The following RMST variants were observed in gnomAD, a reference collection of about 807,000 sequenced individuals.
RMST encodes long intergenic non-protein coding RNA 54.
chr12:97,477,213 G>A (rs1874656697), intron 5 of RMST, among the ~76,000 whole-genome samples: 1 of 152,160 alleles, frequency 6.6e-6, no homozygotes, highest in Non-Finnish European at 1.5e-5. Context: ...AGTTAGGAAA[G>A]CCAGCAATAT....
chr12:97,463,965 C>T (rs1191625605), intron 4 of RMST, among the ~76,000 whole-genome samples: 1 of 151,796 alleles, frequency 6.6e-6, no homozygotes, highest in Non-Finnish European at 1.5e-5. Context: ...ACTTAATAGA[C>T]ATTGTTATGG....
At chr12:97,482,817 A>ATTATTTATTTATTAAATAAAT (rs1565919331) in intron 5 of RMST, among the ~76,000 whole-genome samples, 6 of 141,974 alleles carry the variant, frequency 4.2e-5, no homozygotes, top group Non-Finnish European at 6.0e-5. Context: ...ATAAATTTAT[A>ATTATTTATTTATTAAATAAAT]TTATTTATTT....
chr12:97,510,475 G>A (rs1219575593), intron 10 of RMST, among the ~76,000 whole-genome samples: 1 of 152,188 alleles, frequency 6.6e-6, no homozygotes, highest in Admixed American at 6.5e-5. Flanking sequence ...ACCATTACGT[G>A]CTCTTATTTA....
At chr12:97,511,949 G>A (rs533993582) in intron 10 of RMST, among the ~76,000 whole-genome samples, 10 of 152,286 alleles carry the variant, frequency 6.6e-5, no homozygotes, top group Admixed American at 2.0e-4. Context: ...TTATGTGTCC[G>A]GAATTGGTGA....
chr12:97,522,128 A>G (rs1366181768), intron 10 of RMST, among the ~76,000 whole-genome samples: 3 of 152,230 alleles, frequency 2.0e-5, no homozygotes, highest in Non-Finnish European at 4.4e-5. Flanking sequence ...GTGATTTATA[A>G]GTCCCTAAAA....
At chr12:97,474,624 CAAAAAAAAAAA>C (rs34888626) in intron 5 of RMST, among the ~76,000 whole-genome samples, 3 of 55,800 alleles carry the variant, frequency 5.4e-5, no homozygotes, top group African/African-American at 7.6e-5. Context: ...AAAAAGAAGC[CAAAAAAAAAAA>C]AAAAAAAAAA....
chr12:97,473,191 A>G (rs1236059344), intron 5 of RMST, among the ~76,000 whole-genome samples: 2 of 152,150 alleles, frequency 1.3e-5, no homozygotes, highest in African/African-American at 2.4e-5. Flanking sequence ...GAATATTCAG[A>G]ATAAAGGCTA....
At chr12:97,476,519 G>A (rs907416934) in intron 5 of RMST, among the ~76,000 whole-genome samples, 1 of 152,220 alleles carries the variant, frequency 6.6e-6, no homozygotes, top group African/African-American at 2.4e-5. Context: ...TCAAAGGCAA[G>A]TCTATGGTTG....
chr12:97,486,308 A>C lies in RMST; in HGVS notation n.645-6153A>C, dbSNP rs1876099549. 2.0e-5 allele frequency among the ~76,000 whole-genome samples: 3 copies of C among 150,758 alleles called. No individual in the cohort carries two copies. The South Asian group carries it at 6.3e-4, about 32-fold the overall frequency. The stretch of plus-strand genomic sequence containing the variant: ...CTTTTTAAAAAAATTCTAATCAGAA[A>C]TCTGTTTTTAAACAAGCTGCCCTAA... On this transcript the variant is annotated intron_variant and non_coding_transcript_variant, in intron 5 of 13. Transcript: ENST00000640149.
intron 5 of RMST, among the ~76,000 whole-genome samples, chr12:97,487,812 G>A (rs903914653): frequency 6.6e-6 from 1 of 152,130 alleles, no homozygotes; most frequent in Admixed American, 6.5e-5. Context: ...CACATCCCCC[G>A]GTTGTCTGTG....
chr12:97,507,267 TGTTTTTGTC>T, intron 10 of RMST, among the ~76,000 whole-genome samples: 1 of 129,156 alleles, frequency 7.7e-6, no homozygotes, highest in East Asian at 2.7e-4. Flanking sequence ...GTTTTTTTTT[TGTTTTTGTC>T]TTTTTTTTTT....
At chr12:97,522,261 C>T (rs1378852825) in intron 10 of RMST, among the ~76,000 whole-genome samples, 4 of 152,190 alleles carry the variant, frequency 2.6e-5, no homozygotes, top group Non-Finnish European at 5.9e-5. Flanking sequence ...TCCTTGTATT[C>T]ATCAATTCTG....
intron 10 of RMST, among the ~76,000 whole-genome samples, chr12:97,526,455 G>T (rs893598431): frequency 6.6e-5 from 10 of 151,942 alleles, no homozygotes; most frequent in African/African-American, 2.4e-4. Flanking sequence ...TCAGTCTTTT[G>T]CTGTCATAAA....
At chr12:97,499,254 T>C (rs1412624670) in intron 10 of RMST, among the ~76,000 whole-genome samples, 2 of 152,234 alleles carry the variant, frequency 1.3e-5, no homozygotes, top group African/African-American at 4.8e-5. Context: ...AATTTTTTTT[T>C]CTACCCACAT....
intron 5 of RMST, among the ~76,000 whole-genome samples, chr12:97,483,792 G>C (rs1482093432): frequency 6.6e-6 from 1 of 151,976 alleles, no homozygotes; most frequent in Non-Finnish European, 1.5e-5. Context: ...ACTTTTTTCT[G>C]TAAGTACACT....
At chr12:97,529,129 A>T (rs184005173) in intron 10 of RMST, among the ~76,000 whole-genome samples, 1 of 152,130 alleles carries the variant, frequency 6.6e-6, no homozygotes, top group East Asian at 1.9e-4. Flanking sequence ...TCTCCCTCCC[A>T]TGCCAGTTCT....
chr12:97,465,839 A>T (rs1054176437), intron 5 of RMST: 1 of 152,134 alleles, frequency 6.6e-6, no homozygotes, highest in Non-Finnish European at 1.5e-5. Flanking sequence ...TTGATTTTTT[A>T]AAAATATTAA....
At chr12:97,482,676 T>G (rs1025524098) in intron 5 of RMST, among the ~76,000 whole-genome samples, 13 of 125,502 alleles carry the variant, frequency 1.0e-4, no homozygotes, top group Non-Finnish European at 3.3e-5. Context: ...TATTTAATAT[T>G]TAATTTATTT....
intron 5 of RMST, among the ~76,000 whole-genome samples, chr12:97,491,432 TAACTA>T (rs1593169299): frequency 3.3e-5 from 5 of 152,308 alleles, no homozygotes; most frequent in Admixed American, 6.5e-5. Context: ...TACTAAATCT[TAACTA>T]AACAAGTCAG....
Sources: allele counts gnomAD v4.1 joint callset (sites outside exome capture counted in the v4.1 genomes callset), GRCh38; gene constraint gnomAD v4.1.1; transcripts MANE v1.5; gene names NCBI Gene and HGNC (gene_info 2026-07-23, HGNC 2026-07-21).